Variants in IQCK observed in about 807,000 individuals in gnomAD.
IQCK encodes the protein IQ domain-containing protein K.
A neutral mutation model predicts 28.1 loss-of-function variants in IQCK; 29 were observed. The ratio of observed to expected loss-of-function variants is 1.03; its 90% CI spans 0.77 to 1.41. The LOEUF (loss-of-function observed/expected upper bound fraction) is 1.41, where lower values mean the gene tolerates loss of function less well. Among genes scored for constraint, IQCK ranks in the 40% most tolerant of loss-of-function variants. The pLI is 0.00. For synonymous variants in IQCK, 113 were observed against 115.1 expected, an observed-to-expected ratio of 0.98 and a Z score of 0.12; for missense variants, 359 against 314.7, an observed-to-expected ratio of 1.14 and a Z score of -1.07.
At chr16:19,806,584 G>GGAACCCGAGGTGGAGGATGGCTT (rs1270475216) in intron 7 of IQCK, among the ~76,000 whole-genome samples, 3 of 151,840 alleles carry the variant, frequency 2.0e-5, no homozygotes, top group African/African-American at 7.3e-5. Flanking sequence ...TAGCTACTTG[G>GGAACCCGAGGTGGAGGATGGCTT]GAACCCGAGG....
chr16:19,760,249 G>T (rs1048367207), intron 4 of IQCK, among the ~76,000 whole-genome samples: 6 of 152,228 alleles, frequency 3.9e-5, no homozygotes, highest in African/African-American at 1.4e-4. Context: ...GTGCTAAAAA[G>T]TCTCTGTTTC....
At chr16:19,719,924 C>T (rs1457980727) in intron 1 of IQCK, among the ~76,000 whole-genome samples, 1 of 152,096 alleles carries the variant, frequency 6.6e-6, no homozygotes, top group South Asian at 2.1e-4. Context: ...CTACCTGCCT[C>T]GGCCTCCCAA....
chr16:19,851,927 C>T (rs2056488881), intron 9 of IQCK, among the ~76,000 whole-genome samples: 1 of 152,182 alleles, frequency 6.6e-6, no homozygotes, highest in South Asian at 2.1e-4. Context: ...TCTGCTAAGA[C>T]CAGGAGGAGG....
intron 7 of IQCK, among the ~76,000 whole-genome samples, chr16:19,804,440 G>T (rs951893326): frequency 2.0e-5 from 3 of 150,786 alleles, no homozygotes; most frequent in South Asian, 4.2e-4. Context: ...GGTTTTTTTT[G>T]TTGTTGTTGT....
rs530265512 is a variant in IQCK at position 19,786,994 on chromosome 16, A to G, written c.606-1844A>G. Among the ~76,000 whole-genome samples, 55 of 78,328 alleles carry G rather than the reference A, an allele frequency of 7.0e-4. 1 individual carries two copies. Among genetic ancestry groups the G allele is most frequent in the South Asian group, 2.4e-3 (5 of 2,050 alleles). 51.4% of individuals were successfully genotyped at this position (78,328 alleles called of 152,430 possible). A position where few individuals can be genotyped will look rare whatever the true frequency, so the allele number is the denominator to read the frequency against. On this transcript the variant is annotated intron_variant, in intron 6 of 7. Transcript: ENST00000564186. The stretch of plus-strand genomic sequence containing the variant: ...CAGAAAATCAGAGCCTGGCAAAAGC[A>G]CTGCACTCAACTGCTGATAACTTCT...
At chr16:19,813,209 C>T (rs1168162829) in intron 7 of IQCK, among the ~76,000 whole-genome samples, 2 of 152,100 alleles carry the variant, frequency 1.3e-5, no homozygotes, top group African/African-American at 4.8e-5. Context: ...AGTTAAGAGA[C>T]AAGGACAGAA....
intron 7 of IQCK, among the ~76,000 whole-genome samples, chr16:19,808,787 T>C (rs2055864129): frequency 6.6e-6 from 1 of 152,214 alleles, no homozygotes; most frequent in South Asian, 2.1e-4. Flanking sequence ...GCAGTGCCCA[T>C]GAAGCCAGGC....
chr16:19,813,421 T>C (rs1263973917), intron 7 of IQCK, among the ~76,000 whole-genome samples: 3 of 149,994 alleles, frequency 2.0e-5, no homozygotes, highest in African/African-American at 7.6e-5. Flanking sequence ...GCAAGCTATC[T>C]TAAAGGAAAG....
intron 7 of IQCK, among the ~76,000 whole-genome samples, chr16:19,815,373 G>C (rs570394891): frequency 4.6e-5 from 7 of 152,278 alleles, no homozygotes; most frequent in Admixed American, 4.6e-4. Context: ...CTTAAAGGCC[G>C]ACGCCAGTGG....
intron 7 of IQCK, among the ~76,000 whole-genome samples, chr16:19,809,092 G>A (rs1171694435): frequency 6.6e-6 from 1 of 152,094 alleles, no homozygotes; most frequent in Admixed American, 6.5e-5. Context: ...CCTGACCTCA[G>A]GTGATCCACC....
In IQCK at chr16:19,766,494, G is replaced by A. The variant is rs77568504; in HGVS notation, c.605+2382G>A. Among the ~76,000 whole-genome samples, 58 of 152,314 alleles carry A rather than the reference G, an allele frequency of 3.8e-4. 2 individuals are homozygous for A. The East Asian group carries it at 5.8e-3, about 15-fold the overall frequency. ...GCTGCATTCTTCTTGTCTCAAGTAG[G>A]AATAGTCAGAGAAGCAAGCAGGAAC... On this transcript the variant is annotated intron_variant, in intron 6 of 7. Transcript: ENST00000564186.
intron 9 of IQCK, among the ~76,000 whole-genome samples, chr16:19,849,605 T>TA (rs1008339112): frequency 2.7e-5 from 4 of 150,410 alleles, no homozygotes; most frequent in Non-Finnish European, 4.4e-5. Context: ...CTACAAAAAG[T>TA]AAAAAAAATA....
intron 7 of IQCK, among the ~76,000 whole-genome samples, chr16:19,813,088 G>A (rs759259389): frequency 7.2e-5 from 11 of 152,202 alleles, no homozygotes; most frequent in Non-Finnish European, 1.3e-4. Flanking sequence ...CATATTTTAG[G>A]TATGAGTTAA....
chr16:19,851,002 T>TG (rs2056474729), intron 9 of IQCK, among the ~76,000 whole-genome samples: 1 of 152,142 alleles, frequency 6.6e-6, no homozygotes, highest in African/African-American at 2.4e-5. Flanking sequence ...CCAGCCTGGG[T>TG]AACAGAGCGA....
chr16:19,822,096 C>CA (rs1225665843), intron 7 of IQCK, among the ~76,000 whole-genome samples: 276 of 116,986 alleles, frequency 2.4e-3, no homozygotes, highest in African/African-American at 5.7e-3. Flanking sequence ...AAAAAAAAAA[C>CA]AAAAAAAAAC....
chr16:19,758,567 C>CATTGTTTA (rs2055087114), intron 4 of IQCK, among the ~76,000 whole-genome samples: 1 of 152,194 alleles, frequency 6.6e-6, no homozygotes, highest in African/African-American at 2.4e-5. Flanking sequence ...TGCCATCCTA[C>CATTGTTTA]AATTGCCAGA....
At chr16:19,733,713 G>C (rs777315237) in exon 3 of IQCK, 1 of 1,614,142 alleles carries the variant, frequency 6.2e-7, no homozygotes, top group South Asian at 1.1e-5. Flanking sequence ...GCCAGTAGAG[G>C]AAATGCTTTT....
chr16:19,834,507 C>T (rs1236720025), intron 9 of IQCK, among the ~76,000 whole-genome samples: 1 of 152,182 alleles, frequency 6.6e-6, no homozygotes, highest in Non-Finnish European at 1.5e-5. Flanking sequence ...TAACTAAGGA[C>T]CCACAGGCTG....
At chr16:19,858,115 G>T in exon 10 of IQCK, 1 of 178,214 alleles carries the variant, frequency 5.6e-6, no homozygotes, top group Non-Finnish European at 1.2e-5. Flanking sequence ...TTTAAACCTT[G>T]CTCCACGGGG....
Sources: allele counts gnomAD v4.1 joint callset (sites outside exome capture counted in the v4.1 genomes callset), GRCh38; gene constraint gnomAD v4.1.1; transcripts MANE v1.5; gene names NCBI Gene and HGNC (gene_info 2026-07-23, HGNC 2026-07-21).